RBPJ: variants seen among roughly 807,000 people sequenced by gnomAD.
RBPJ encodes recombination signal binding protein for immunoglobulin kappa J region.
Under a neutral mutation model 67.8 loss-of-function variants are expected in RBPJ, and 9 were observed. The observed-to-expected ratio is 0.13, with a 90% confidence interval of 0.08 to 0.23. The LOEUF (loss-of-function observed/expected upper bound fraction) is 0.23. RBPJ is among the 10% of genes least tolerant of loss of function. RBPJ has a pLI of 1.00. For missense variants in RBPJ, 305 were observed against 595.6 expected, an observed-to-expected ratio of 0.51 and a Z score of 5.08; for synonymous variants, 198 against 203.3, an observed-to-expected ratio of 0.97 and a Z score of 0.22.
chr4:26,224,449 A>G (rs1156244312), intron 1 of RBPJ, among the ~76,000 whole-genome samples: 2 of 152,130 alleles, frequency 1.3e-5, no homozygotes, highest in African/African-American at 4.8e-5. Flanking sequence ...CCAGCTCCCA[A>G]TATTTCAACG....
chr4:26,232,168 T>C (rs1719312730), intron 1 of RBPJ, among the ~76,000 whole-genome samples: 3 of 152,174 alleles, frequency 2.0e-5, no homozygotes, highest in African/African-American at 7.2e-5. Flanking sequence ...AGTGCTGGGA[T>C]TACAGGCATG....
intron 1 of RBPJ, among the ~76,000 whole-genome samples, chr4:26,171,920 G>T (rs751970042): frequency 2.6e-5 from 4 of 152,198 alleles, no homozygotes; most frequent in Non-Finnish European, 4.4e-5. Flanking sequence ...TGTTAGGTCC[G>T]TTCTGATGTA....
chr4:26,255,291 C>T lies in RBPJ; in HGVS notation c.-167+91677C>T, dbSNP rs868582427. Among the ~76,000 whole-genome samples, 685 of 128,550 alleles carry T rather than the reference C, an allele frequency of 5.3e-3. 4 individuals are homozygous for T. Among genetic ancestry groups the T allele is most frequent in the African/African-American group, 0.021 (581 of 27,528 alleles). The allele number at this position is 128,550 out of a possible 152,430, so 84.3% of individuals were successfully genotyped here. A position where few individuals can be genotyped will look rare whatever the true frequency, so the allele number is the denominator to read the frequency against. On this transcript the variant is annotated intron_variant, in intron 1 of 4. Transcript: ENST00000512351. ...TGGTGGCGGGCGCCTGTAGTCCCAG[C>T]TACTCGGGAGGCTGAGGCAGGAGAA...
intron 1 of RBPJ, among the ~76,000 whole-genome samples, chr4:26,289,773 C>A (rs1023493119): frequency 1.3e-5 from 2 of 150,548 alleles, no homozygotes; most frequent in African/African-American, 2.4e-5. Context: ...GGCCCAGGTA[C>A]CTTTCTCTCT....
upstream of RBPJ, chr4:26,320,812 C>G: frequency 6.4e-7 from 1 of 1,558,258 alleles, no homozygotes; most frequent in Non-Finnish European, 8.7e-7. Context: ...GCTCCATCGC[C>G]TGGGTAGGTT....
chr4:26,342,443 G>A (rs1458147139), intron 1 of RBPJ, among the ~76,000 whole-genome samples: 1 of 152,176 alleles, frequency 6.6e-6, no homozygotes, highest in Non-Finnish European at 1.5e-5. Context: ...CCAGATTTCA[G>A]TTCCATTGCT....
chr4:26,383,735 A>T (rs1389355461), intron 1 of RBPJ: 1 of 152,200 alleles, frequency 6.6e-6, no homozygotes, highest in African/African-American at 2.4e-5. Flanking sequence ...TGTTTTGTGG[A>T]AAAAGATTCA....
rs920342248 is a variant in RBPJ, at chr4:26,430,203, AAAAAAC to A, written c.1044+155_1044+160del. The stretch of plus-strand genomic sequence containing the variant: ...TACACCATTTGTTGATTTAAAGAAA[AAAAAAC>A]AAAATTAGGAGGAGCGTACTTGCCA... On this transcript the variant is annotated intron_variant, in intron 9 of 10. Coordinates refer to ENST00000355476, the MANE Select transcript of RBPJ (RefSeq NM_015874.6). The surrounding 1 kb of genome is among the most constrained non-coding windows in gnomAD (Gnocchi z 4.1). The A allele has an allele frequency of 9.8e-7, 1 of 1,025,058 alleles. No homozygotes were observed. The highest frequency in any genetic ancestry group is 1.6e-5 in the African/African-American group (1 of 61,686). 63.5% of individuals were successfully genotyped at this position (1,025,058 alleles called of 1,614,324 possible).
chr4:26,223,852 A>T (rs2109194814), intron 1 of RBPJ, among the ~76,000 whole-genome samples: 1 of 152,292 alleles, frequency 6.6e-6, no homozygotes, highest in Non-Finnish European at 1.5e-5. Context: ...CACAGAAAGG[A>T]TCATCACATT....
chr4:26,270,382 AAAG>A (rs1426114178), intron 1 of RBPJ, among the ~76,000 whole-genome samples: 1 of 55,378 alleles, frequency 1.8e-5, no homozygotes, highest in African/African-American at 6.4e-5. Flanking sequence ...AGAAAGAAAG[AAAG>A]AAAGAAAGAA....
upstream of RBPJ, among the ~76,000 whole-genome samples, chr4:26,317,487 T>C (rs1038821589): frequency 6.6e-6 from 1 of 152,026 alleles, no homozygotes; most frequent in African/African-American, 2.4e-5. Flanking sequence ...GTAGGCAAGA[T>C]TGTCTAAGTC....
At chr4:26,139,712 C>T in the RBPJ span, among the ~76,000 whole-genome samples, 1 of 151,998 alleles carries the variant, frequency 6.6e-6, no homozygotes, top group South Asian at 2.1e-4. Flanking sequence ...TTTTCTGTTC[C>T]TCTCAGTGAC....
intron 3 of RBPJ, among the ~76,000 whole-genome samples, chr4:26,410,594 G>C (rs1214652679): frequency 6.6e-6 from 1 of 152,194 alleles, no homozygotes; most frequent in Non-Finnish European, 1.5e-5. Context: ...TGAGATTTGT[G>C]TTAATTGGCC....
chr4:26,280,331 G>A (rs1457059479), intron 1 of RBPJ, among the ~76,000 whole-genome samples: 1 of 149,560 alleles, frequency 6.7e-6, no homozygotes, highest in Non-Finnish European at 1.5e-5. Flanking sequence ...AGGAGGCAGA[G>A]GTTGCAGTGA....
At position 26,378,129 on chromosome 4, in the gene RBPJ, A is replaced by G. The variant is rs143701273; in HGVS notation, c.21-8224A>G. 4.9e-3 allele frequency among the ~76,000 whole-genome samples: 742 copies of G among 151,998 alleles called. 2 individuals are homozygous for G. Among genetic ancestry groups the G allele is most frequent in the African/African-American group, 0.016 (682 of 41,448 alleles). ...CTCAGTTTTTTGTTTCATTTTGTCA[A>G]CTGTTCCACAGTTGGGGTTTGTTCC... On this transcript the variant is annotated intron_variant, in intron 1 of 10. Coordinates refer to ENST00000355476, the MANE Select transcript of RBPJ (RefSeq NM_015874.6).
At chr4:26,118,634 AATTG>A in the RBPJ span, among the ~76,000 whole-genome samples, 1 of 152,176 alleles carries the variant, frequency 6.6e-6, no homozygotes, top group Non-Finnish European at 1.5e-5. Context: ...TGGATGGAGT[AATTG>A]ATTGGTCATT....
At chr4:26,415,030 A>G (rs1459855882) in intron 3 of RBPJ, among the ~76,000 whole-genome samples, 1 of 152,204 alleles carries the variant, frequency 6.6e-6, no homozygotes, top group South Asian at 2.1e-4. Context: ...TAATTACCAC[A>G]TTAAGTTAAA....
chr4:26,253,468 C>T (rs893217953), intron 1 of RBPJ, among the ~76,000 whole-genome samples: 17 of 149,900 alleles, frequency 1.1e-4, no homozygotes, highest in Non-Finnish European at 2.2e-4. Context: ...CCCGCCACTA[C>T]GCCCGGCTAA....
At chr4:26,352,464 A>AG (rs1726911087) in intron 1 of RBPJ, among the ~76,000 whole-genome samples, 1 of 152,200 alleles carries the variant, frequency 6.6e-6, no homozygotes, top group Non-Finnish European at 1.5e-5. Context: ...TATCTCTTGT[A>AG]GGGGGACACA....
Sources: allele counts gnomAD v4.1 joint callset (sites outside exome capture counted in the v4.1 genomes callset), GRCh38; gene constraint gnomAD v4.1.1; non-coding constraint Gnocchi (gnomAD v3.1); transcripts MANE v1.5; gene names NCBI Gene and HGNC (gene_info 2026-07-23, HGNC 2026-07-21).